The following LY75 variants were observed in gnomAD, a reference collection of about 807,000 sequenced individuals.
LY75 encodes C-type lectin domain family 13 member B.
LY75 carries 185 observed loss-of-function variants against 231.7 expected under a neutral mutation model. The observed-to-expected ratio is 0.80, with a 90% confidence interval of 0.71 to 0.90. The LOEUF (loss-of-function observed/expected upper bound fraction) is 0.90. Ranked by LOEUF, LY75 falls within the 40% of genes least tolerant of loss-of-function variation. The pLI, the probability that LY75 is intolerant of heterozygous loss-of-function variation, is 0.00. For synonymous variants in LY75, 668 were observed against 689.0 expected (o/e 0.97, Z 0.48); for missense variants, 1,947 against 2,050.2 (o/e 0.95, Z 0.97).
chr2:159,838,859 A>G (rs1034634629), intron 25 of LY75, among the ~76,000 whole-genome samples: 24 of 152,104 alleles, frequency 1.6e-4, no homozygotes, highest in African/African-American at 5.8e-4. Flanking sequence ...GCAGTGGTAT[A>G]ATCTCGGCTC....
At chr2:159,889,831 T>C (rs970274201) in intron 4 of LY75, among the ~76,000 whole-genome samples, 1 of 152,182 alleles carries the variant, frequency 6.6e-6, no homozygotes, top group Non-Finnish European at 1.5e-5. Flanking sequence ...AATGTAAGGA[T>C]GTTTACTGAG....
At chr2:159,900,961 C>G (rs1034278799) in intron 1 of LY75, among the ~76,000 whole-genome samples, 1 of 152,102 alleles carries the variant, frequency 6.6e-6, no homozygotes, top group Non-Finnish European at 1.5e-5. Context: ...GCCCCAGCCT[C>G]CCAAGTAGCT....
Position 159,809,552 on chromosome 2 carries a change from T to C in LY75, c.4699+974A>G, listed in dbSNP as rs2125827134. Among the ~76,000 whole-genome samples, 3 of 152,324 alleles carry C rather than the reference T, an allele frequency of 2.0e-5. No individual in the cohort carries two copies. In the Middle Eastern group the frequency reaches 0.01, roughly 518 times the overall value. On this transcript the variant is annotated intron_variant, in intron 32 of 34. Coordinates refer to ENST00000263636, the MANE Select transcript of LY75 (RefSeq NM_002349.4). ...CAAAAATTTTACCTCTTAATTCCTT[T>C]TTCTAAGCATATCTAGCTATAGGTA...
intron 29 of LY75, among the ~76,000 whole-genome samples, chr2:159,818,860 G>T (rs562465475): frequency 6.6e-6 from 1 of 152,116 alleles, no homozygotes; most frequent in Non-Finnish European, 1.5e-5. Flanking sequence ...AAACATAAAG[G>T]TGCAAGTATG....
intron 2 of LY75, among the ~76,000 whole-genome samples, chr2:159,896,211 T>C (rs1685906789): frequency 6.6e-6 from 1 of 152,160 alleles, no homozygotes; most frequent in South Asian, 2.1e-4. Flanking sequence ...ACATTCAAAA[T>C]TTGAAAAGTG....
At position 159,807,561 on chromosome 2, in the gene LY75, G is replaced by A. The variant is rs1682826176; in HGVS notation, c.4823-421C>T. The A allele has an allele frequency of 1.7e-5, 15 of 893,626 alleles. No individual in the cohort carries two copies. In the South Asian group the frequency reaches 7.2e-4, roughly 43 times the overall value. The allele number at this position is 893,626 out of a possible 1,614,324, so 55.4% of individuals were successfully genotyped here. ...GATATGCTGGTGGAAGAGGAAGGGT[G>A]CAGGAATCTCCATCCCCACCTTTCT... is the stretch of plus-strand genomic sequence containing the variant. On this transcript the variant is annotated intron_variant, in intron 33 of 34. Coordinates refer to ENST00000263636, the MANE Select transcript of LY75 (RefSeq NM_002349.4).
At chr2:159,863,857 G>T (rs2125862446) in intron 14 of LY75, among the ~76,000 whole-genome samples, 1 of 152,236 alleles carries the variant, frequency 6.6e-6, no homozygotes, top group East Asian at 1.9e-4. Context: ...GCCATCCCTT[G>T]AAGATGTGTT....
chr2:159,809,092 C>T (rs934008005), intron 32 of LY75, among the ~76,000 whole-genome samples: 11 of 152,106 alleles, frequency 7.2e-5, no homozygotes, highest in African/African-American at 2.7e-4. Flanking sequence ...GGTATAAAAC[C>T]GAATGGTTCC....
chr2:159,810,241 C>T (rs990792718), intron 32 of LY75, among the ~76,000 whole-genome samples: 1 of 151,414 alleles, frequency 6.6e-6, no homozygotes, highest in Non-Finnish European at 1.5e-5. Flanking sequence ...ACCATGTTGG[C>T]CAGGATGGTC....
chr2:159,808,654 A>G (rs1682860938), intron 32 of LY75, 83 bp from the exon 33 acceptor site: 3 of 1,530,444 alleles, frequency 2.0e-6, no homozygotes, highest in South Asian at 1.2e-5. Flanking sequence ...TGAAAAATAC[A>G]TATATTATTA....
Position 159,904,689 on chromosome 2 carries a change from C to G in LY75, c.-7G>C, listed in dbSNP as rs529156497. ...TCGCCCAGCCTGTCCTCATCCTGAG[C>G]TGGCGCAAGCCTTCCGGCCGGGTCC... On this transcript the variant is annotated 5_prime_UTR_variant, in exon 1 of 35. Transcript: ENST00000263636. 1 of 1,428,478 alleles carries G rather than the reference C, an allele frequency of 7.0e-7. No individual in the cohort carries two copies. The highest frequency in any genetic ancestry group is 1.5e-5 in the African/African-American group (1 of 66,486). 88.5% of individuals were successfully genotyped at this position (1,428,478 alleles called of 1,614,324 possible). A position where few individuals can be genotyped will look rare whatever the true frequency, so the allele number is the denominator to read the frequency against.
rs201328184 is a variant in LY75 at position 159,819,901 on chromosome 2, A to C, written c.3978T>G (p.Phe1326Leu). Residue 1326 changes from phenylalanine to leucine, a missense_variant, in exon 29 of 35, where the codon TTT (phenylalanine) becomes TTG (leucine). Transcript: ENST00000263636. ...GTGTATATGACAGTGGGGTCTTATC[A>C]AACCACATAAGAGACTTATCTAGAG... Reference protein sequence around the residue: ...ITYRNKSLMWFDKTPLSYTHW... With the variant: ...ITYRNKSLMWLDKTPLSYTHW... 13 of 1,602,090 alleles carry C rather than the reference A, an allele frequency of 8.1e-6. No individual in the cohort carries two copies. Among genetic ancestry groups the C allele is most frequent in the Admixed American group, 3.5e-5 (2 of 56,962 alleles).
At chr2:159,847,129 A>G (rs1684226132) in intron 23 of LY75, among the ~76,000 whole-genome samples, 2 of 152,106 alleles carry the variant, frequency 1.3e-5, no homozygotes, top group Non-Finnish European at 2.9e-5. Flanking sequence ...CTCCTGCCTC[A>G]GCCTCCTGAA....
Position 159,854,351 on chromosome 2 carries a change from T to C in LY75, c.2595+9A>G. 1 of 1,378,026 alleles carries C rather than the reference T, an allele frequency of 7.3e-7. No homozygotes were observed. Among genetic ancestry groups the C allele is most frequent in the African/African-American group, 1.5e-5 (1 of 67,394 alleles). The allele number at this position is 1,378,026 out of a possible 1,614,324, so 85.4% of individuals were successfully genotyped here. A position where few individuals can be genotyped will look rare whatever the true frequency, so the allele number is the denominator to read the frequency against. ...AGAAATATATTTAAAATATATTCTT[T>C]TAAATTACATTTGCTATTTTGTTTT... On this transcript the variant is annotated intron_variant, in intron 18 of 34. Transcript: ENST00000263636.
chr2:159,866,339 C>G (rs2136977), intron 13 of LY75, among the ~76,000 whole-genome samples: 1 of 151,836 alleles, frequency 6.6e-6, no homozygotes. Flanking sequence ...TTCAACATTC[C>G]CTCATATTTT....
chr2:159,835,696 T>G (rs1413246271), intron 25 of LY75, 51 bp from the exon 26 acceptor site: 1 of 1,583,510 alleles, frequency 6.3e-7, no homozygotes, highest in Admixed American at 2.0e-5. Flanking sequence ...GTTAACCCTT[T>G]GTATTATTTT....
chr2:159,869,908 ACACT>A (rs1271056221), intron 13 of LY75, among the ~76,000 whole-genome samples: 9 of 152,198 alleles, frequency 5.9e-5, no homozygotes, highest in Non-Finnish European at 1.3e-4. Context: ...GGAATAGCTA[ACACT>A]CACCTCACAA....
chr2:159,815,126 G>A (rs1025149385), intron 31 of LY75, among the ~76,000 whole-genome samples: 6 of 151,448 alleles, frequency 4.0e-5, no homozygotes, highest in Non-Finnish European at 7.4e-5. Context: ...TCAGCCTCCT[G>A]ACTAGCTGGG....
At position 159,850,789 on chromosome 2, in the gene LY75, T is replaced by TATATATATATATATATATATATAA. The variant is rs796940571; in HGVS notation, c.2884-323_2884-322insTTATATATATATATATATATATAT. Among the ~76,000 whole-genome samples, 221 of 88,632 alleles carry TATATATATATATATATATATATAA rather than the reference T, an allele frequency of 2.5e-3. 12 individuals are homozygous for TATATATATATATATATATATATAA. The East Asian group carries it at 0.04, about 16-fold the overall frequency. The allele number at this position is 88,632 out of a possible 152,430, so 58.1% of individuals were successfully genotyped here. Reference sequence around the variant, plus strand: ...TCAAACTTTCATATATATATATATATATATATATATTATATCTTATATATA... The same window carrying TATATATATATATATATATATATAA: ...TCAAACTTTCATATATATATATATATATATATATATATATATATATATAAATATATATATTATATCTTATATATA... On this transcript the variant is annotated intron_variant, in intron 21 of 34. Coordinates refer to ENST00000263636, the MANE Select transcript of LY75 (RefSeq NM_002349.4).
Sources: gnomAD v4.1 joint callset for allele counts (sites outside exome capture counted in the v4.1 genomes callset) on GRCh38, gnomAD v4.1.1 for gene constraint, MANE v1.5 for transcripts, NCBI Gene and HGNC (gene_info 2026-07-23, HGNC 2026-07-21) for gene names.